ABCC5: variants seen among roughly 807,000 people sequenced by gnomAD.
The protein encoded by ABCC5 is ATP-binding cassette sub-family C member 5.
In ABCC5, 61 loss-of-function variants were observed where a neutral mutation model predicts 160.9. The observed-to-expected ratio is 0.38, with a 90% CI of 0.31 to 0.47. The LOEUF is 0.47. ABCC5 is among the 20% of genes least tolerant of loss of function. The pLI, the probability that ABCC5 is intolerant of heterozygous loss-of-function variation, is 0.99. For synonymous variants in ABCC5, 666 were observed against 700.6 expected (o/e 0.95, Z 0.78); for missense variants, 1,308 against 1,813.3 (o/e 0.72, Z 5.06).
intron 5 of ABCC5, chr3:183,984,842 T>C (rs747951827): frequency 5.7e-6 from 9 of 1,587,310 alleles, no homozygotes; most frequent in Non-Finnish European, 6.8e-6. Flanking sequence ...GGCGGTGCAG[T>C]GAAGCCTGTT....
intron 29 of ABCC5, among the ~76,000 whole-genome samples, chr3:183,924,181 G>T (rs548118254): frequency 2.9e-4 from 44 of 152,096 alleles, no homozygotes; most frequent in African/African-American, 8.9e-4. Flanking sequence ...ACCACTCCTG[G>T]CTAATTTTTT....
chr3:184,000,668 A>G (rs1251353403), intron 2 of ABCC5: 1 of 152,310 alleles, frequency 6.6e-6, no homozygotes, highest in Non-Finnish European at 1.5e-5. Flanking sequence ...CGGTCTGAAC[A>G]TTAAACTGAT....
In ABCC5 at chr3:184,017,580, T is replaced by C; in HGVS notation, c.-56+250A>G. ...CGGCCAGGGACGTAGCCCGCGTCCC[T>C]GCCCGCTCATCCCGATCCTACCTGC... On this transcript the variant is annotated intron_variant, in intron 1 of 29. Coordinates refer to ENST00000334444, the MANE Select transcript of ABCC5 (RefSeq NM_005688.4). This position sits in a 1 kb window ranked among gnomAD's most constrained non-coding sequence, Gnocchi z 4.5. 6.6e-6 allele frequency: 1 copy of C among 150,556 alleles called. No homozygotes were observed. Among genetic ancestry groups the C allele is most frequent in the Non-Finnish European group, 1.5e-5 (1 of 67,758 alleles). The allele number at this position is 150,556 out of a possible 1,614,324, so 9.3% of individuals were successfully genotyped here.
chr3:183,937,851 C>T, intron 26 of ABCC5, 50 bp downstream of exon 26: 1 of 1,599,812 alleles, frequency 6.3e-7, no homozygotes, highest in Non-Finnish European at 8.5e-7. Context: ...CCCACATGCT[C>T]ATCTGGCCTC....
At chr3:183,996,625 G>C (rs1172189102) in intron 2 of ABCC5, among the ~76,000 whole-genome samples, 1 of 152,150 alleles carries the variant, frequency 6.6e-6, no homozygotes, top group East Asian at 1.9e-4. Context: ...TGGCACTACT[G>C]ATGGCAGAGA....
intron 2 of ABCC5, among the ~76,000 whole-genome samples, chr3:184,012,598 A>C (rs764793682): frequency 2.0e-5 from 3 of 152,094 alleles, no homozygotes; most frequent in Admixed American, 6.6e-5. Flanking sequence ...CTCCCCACCT[A>C]ATCACCCTTT....
At chr3:184,016,322 T>C (rs1208575855) in intron 1 of ABCC5, among the ~76,000 whole-genome samples, 4 of 152,162 alleles carry the variant, frequency 2.6e-5, no homozygotes, top group Non-Finnish European at 5.9e-5. Flanking sequence ...TCATCTCTAC[T>C]TTCCTGGAAA....
At chr3:183,984,573 C>A in intron 5 of ABCC5, 1 of 1,333,446 alleles carries the variant, frequency 7.5e-7, no homozygotes, top group Non-Finnish European at 9.6e-7. Context: ...GAGATCCCCA[C>A]CAATCAGATT....
At chr3:183,971,956 A>T in intron 10 of ABCC5, 37 bp from the exon 11 acceptor site, 3 of 1,611,432 alleles carry the variant, frequency 1.9e-6, no homozygotes, top group Non-Finnish European at 2.5e-6. Flanking sequence ...AAGATGAGAC[A>T]CTGGATCAAG....
intron 2 of ABCC5, among the ~76,000 whole-genome samples, chr3:183,993,926 A>G (rs1044933130): frequency 6.6e-6 from 1 of 150,480 alleles, no homozygotes; most frequent in African/African-American, 2.5e-5. Context: ...TGAAAAATAT[A>G]TCCACTACAA....
At chr3:184,002,648 C>T (rs985308417) in intron 2 of ABCC5, among the ~76,000 whole-genome samples, 1 of 152,198 alleles carries the variant, frequency 6.6e-6, no homozygotes, top group Admixed American at 6.5e-5. Flanking sequence ...CTCCAGCTGT[C>T]CCATCTCATT....
rs941885194 is a variant in ABCC5 at position 183,984,653 on chromosome 3, C to T, written c.592-1646G>A. ...GATTCCAAGAACTACTGTATTCCAC[C>T]TCTCCCCTCCCTCAGATTTTTAGGT... On this transcript the variant is annotated intron_variant, in intron 5 of 29. Transcript: ENST00000334444. The T allele has an allele frequency of 6.2e-6, 9 of 1,445,268 alleles. No individual in the cohort carries two copies. The East Asian group carries it at 2.3e-4, about 37-fold the overall frequency. The allele number at this position is 1,445,268 out of a possible 1,614,324, so 89.5% of individuals were successfully genotyped here.
chr3:184,005,068 G>A (rs1302302047), intron 2 of ABCC5, among the ~76,000 whole-genome samples: 1 of 152,170 alleles, frequency 6.6e-6, no homozygotes, highest in East Asian at 1.9e-4. Flanking sequence ...ACAGGCAACA[G>A]AGCCATCATG....
At chr3:183,922,601 C>T (rs951828904) in intron 29 of ABCC5, among the ~76,000 whole-genome samples, 2 of 152,148 alleles carry the variant, frequency 1.3e-5, no homozygotes, top group African/African-American at 4.8e-5. Flanking sequence ...TTCTATGTAG[C>T]CGTGGAAAAT....
intron 27 of ABCC5, chr3:183,927,878 AG>A: frequency 1.1e-6 from 1 of 930,852 alleles, no homozygotes; most frequent in Non-Finnish European, 1.3e-6. Flanking sequence ...GAATCCCGAT[AG>A]AGCAGAGGAA....
At position 183,957,416 on chromosome 3, in the gene ABCC5, G is replaced by A. The variant is rs1375353892; in HGVS notation, c.2482+2317C>T. Reference sequence around the variant, plus strand: ...TGCTTATCCGTGTGTATATCACATCGGTTACATGCAGATCCATGTGTATAT... The same window carrying A: ...TGCTTATCCGTGTGTATATCACATCAGTTACATGCAGATCCATGTGTATAT... On this transcript the variant is annotated intron_variant, in intron 17 of 29. Transcript: ENST00000334444. Among the ~76,000 whole-genome samples the A allele has an allele frequency of 2.2e-4, 29 of 132,558 alleles. 2 individuals carry two copies. Among genetic ancestry groups the A allele is most frequent in the Non-Finnish European group, 3.5e-4 (22 of 62,158 alleles). The allele number at this position is 132,558 out of a possible 152,430, so 87.0% of individuals were successfully genotyped here.
chr3:183,971,733 T>A lies in ABCC5; in HGVS notation c.1591A>T (p.Arg531Trp). Residue 531 changes from arginine to tryptophan, a missense_variant, in exon 11 of 30, where the codon AGG becomes TGG. By Grantham distance (101) the Arg-to-Trp change is moderately radical. Around this residue, in one of 3 missense-constraint regions of ABCC5, gnomAD observed 1,142 missense variants for 1,527.1 expected, o/e 0.75. Transcript: ENST00000334444. ...TGATGCTCAGTGCGCTGCAGCTGCC[T>A]CACCTTCTCTTTCTTGCCCCTGGAA... Reference protein sequence around the residue: ...RASRGKKEKVRQLQRTEHQAV... With the variant: ...RASRGKKEKVWQLQRTEHQAV... The A allele has an allele frequency of 6.2e-7, 1 of 1,614,236 alleles. No individual in the cohort carries two copies. The highest frequency in any genetic ancestry group is 8.5e-7 in the Non-Finnish European group (1 of 1,180,046).
In ABCC5 at chr3:183,971,821, G is replaced by A. The variant is rs1717778172; in HGVS notation, c.1503C>T (p.Ser501=). 1.2e-6 allele frequency: 2 copies of A among 1,614,126 alleles called. No homozygotes were observed. Among genetic ancestry groups the A allele is most frequent in the Non-Finnish European group, 8.5e-7 (1 of 1,180,024 alleles). The part of the protein sequence containing the change: ...EMKNATLAWD[S]SHSSIQNSPK... The stretch of plus-strand genomic sequence containing the variant: ...GCGAGTTCTGGATACTGGAGTGGGA[G>A]GAGTCCCATGCCAAGGTGGCATTTT... The change falls in exon 11 of 30, where the codon TCC becomes TCT. Residue 501 remains serine, a synonymous_variant. Coordinates refer to ENST00000334444, the MANE Select transcript of ABCC5 (RefSeq NM_005688.4).
chr3:183,933,155 G>A (rs569437256), intron 26 of ABCC5, among the ~76,000 whole-genome samples: 1 of 129,408 alleles, frequency 7.7e-6, no homozygotes, highest in African/African-American at 3.0e-5. Flanking sequence ...GTGACAAAGC[G>A]AGACTGTCTC....
Sources: gnomAD v4.1 joint callset for allele counts (sites outside exome capture counted in the v4.1 genomes callset) on GRCh38, gnomAD v4.1.1 for gene constraint, gnomAD v4.1.1 regional missense constraint, Gnocchi (gnomAD v3.1) non-coding constraint, MANE v1.5 for transcripts, NCBI Gene and HGNC (gene_info 2026-07-23, HGNC 2026-07-21) for gene names.